Variants in FOXN4 observed in about 807,000 individuals in gnomAD.
FOXN4 encodes the protein forkhead box N4.
Under a neutral mutation model 45.0 loss-of-function variants are expected in FOXN4, and 12 were observed. That is an observed-to-expected ratio of 0.27 (90% CI 0.17 to 0.43). FOXN4 has a LOEUF of 0.43. Ranked by LOEUF, FOXN4 falls within the 20% of genes least tolerant of loss-of-function variation. The pLI, the probability that FOXN4 is intolerant of heterozygous loss-of-function variation, is 1.00. For synonymous variants in FOXN4, 297 were observed against 295.0 expected (o/e 1.01, Z -0.07); for missense variants, 560 against 694.9 (o/e 0.81, Z 2.18).
Position 109,281,411 on chromosome 12 carries a change from C to A in FOXN4, c.1290G>T (p.Leu430=). The change falls in exon 9 of 10, where the codon CTG becomes CTT. Residue 430 remains leucine (L), a synonymous_variant. Transcript: ENST00000299162. The part of the protein sequence containing the change: ...ALDPSIMDFA[L]QGNLWEEMKD... The stretch of plus-strand genomic sequence containing the variant: ...ACTCCATTCCTCCAGCCTCACCCTG[C>A]AGAGCGAAGTCCATGATGCTCGGGT... The A allele has an allele frequency of 1.2e-6, 2 of 1,613,814 alleles. No individual in the cohort carries two copies. The highest frequency in any genetic ancestry group is 1.7e-6 in the Non-Finnish European group (2 of 1,179,784).
Position 109,281,512 on chromosome 12 carries a change from G to T in FOXN4, c.1189C>A (p.His397Asn), listed in dbSNP as rs374757575. The T allele has an allele frequency of 4.7e-5, 76 of 1,613,798 alleles. No individual in the cohort carries two copies. The highest frequency in any genetic ancestry group is 5.3e-5 in the Non-Finnish European group (63 of 1,179,856). ...ACAGGAGCCCTTCCCATGGCGGGGT[G>T]GGGGAGCGGGCTGGGGCTGAGGTCC... ...LPDLSPSPLPHPAMGRAPVDF... is the reference protein window; with the variant it reads ...LPDLSPSPLPNPAMGRAPVDF... Residue 397 changes from histidine to asparagine, a missense_variant, in exon 9 of 10, where the codon CAC becomes AAC. Transcript: ENST00000299162.
intron 2 of FOXN4, among the ~76,000 whole-genome samples, chr12:109,303,262 G>A (rs1427795468): frequency 1.3e-5 from 2 of 152,168 alleles, no homozygotes; most frequent in Non-Finnish European, 2.9e-5. Flanking sequence ...GAAGGGATGG[G>A]AAGACATCGG....
At chr12:109,285,268 TGTGTGTGC>T (rs758719742) in intron 8 of FOXN4, 28 bp downstream of exon 8, 21 of 1,553,894 alleles carry the variant, frequency 1.4e-5, no homozygotes, top group African/African-American at 1.1e-4. Flanking sequence ...TGTGTGTGTG[TGTGTGTGC>T]GCGCACTGCG....
Position 109,281,566 on chromosome 12 carries a change from C to T in FOXN4, c.1135G>A (p.Ala379Thr), listed in dbSNP as rs142107769. Residue 379 changes from alanine (A) to threonine (T), a missense_variant, in exon 9 of 10, where the codon GCC (alanine) becomes ACC (threonine). Physicochemically the swap from Ala to Thr is moderately conservative, Grantham distance 58. Coordinates refer to ENST00000299162, the MANE Select transcript of FOXN4 (RefSeq NM_213596.3). ...AHLAPDSPAP[A>T]QTPPLHALPD... Reference sequence around the variant, plus strand: ...AGGGCGTGCAGTGGCGGGGTCTGGGCTGGTGCTGGAGAGTCTGGAGCAAGA... The same window carrying T: ...AGGGCGTGCAGTGGCGGGGTCTGGGTTGGTGCTGGAGAGTCTGGAGCAAGA... 1 of 1,607,652 alleles carries T rather than the reference C, an allele frequency of 6.2e-7. No homozygotes were observed. The highest frequency in any genetic ancestry group is 1.3e-5 in the African/African-American group (1 of 74,790).
intron 8 of FOXN4, among the ~76,000 whole-genome samples, chr12:109,283,958 T>C (rs115119325): frequency 0.019 from 2,947 of 152,312 alleles, 110 homozygotes; most frequent in African/African-American, 0.067. Flanking sequence ...GCTCAAATCT[T>C]TGCTCTTCAC....
chr12:109,289,441 C>T (rs187654915), intron 3 of FOXN4, among the ~76,000 whole-genome samples: 1 of 152,306 alleles, frequency 6.6e-6, no homozygotes, highest in Admixed American at 6.5e-5. Context: ...ACATGCTTTG[C>T]CCAAGAACGA....
At chr12:109,294,087 G>A (rs944542564) in intron 2 of FOXN4, among the ~76,000 whole-genome samples, 1 of 152,192 alleles carries the variant, frequency 6.6e-6, no homozygotes, top group African/African-American at 2.4e-5. Flanking sequence ...TCTTCCGGGG[G>A]AGATGCCCCA....
intron 8 of FOXN4, among the ~76,000 whole-genome samples, chr12:109,282,349 G>A (rs753184179): frequency 3.7e-4 from 57 of 152,128 alleles, no homozygotes; most frequent in Non-Finnish European, 6.8e-4. Context: ...TTGGGAGGCT[G>A]AGGTGGGGGG....
rs1400674549 is a variant in FOXN4, at chr12:109,288,041, T to C, written c.357+15A>G. 7 of 1,550,144 alleles carry C rather than the reference T, an allele frequency of 4.5e-6. No individual in the cohort carries two copies. The East Asian group carries it at 7.3e-5, about 16-fold the overall frequency. On this transcript the variant is annotated intron_variant, in intron 4 of 9. Coordinates refer to ENST00000299162, the MANE Select transcript of FOXN4 (RefSeq NM_213596.3). The surrounding 1 kb of genome is among the most constrained non-coding windows in gnomAD (Gnocchi z 4.3). ...GGCACTACCCGCCCTCCGCAGTCCA[T>C]GCAGTGCCACTTACGCTGTCTCTGT...
intron 2 of FOXN4, among the ~76,000 whole-genome samples, chr12:109,296,656 C>T (rs936277308): frequency 5.9e-5 from 9 of 152,168 alleles, no homozygotes; most frequent in African/African-American, 2.2e-4. Flanking sequence ...TGCAGGCAGC[C>T]CCCAGAGACC....
At chr12:109,306,164 C>G (rs1023098263) in intron 2 of FOXN4, among the ~76,000 whole-genome samples, 1 of 152,180 alleles carries the variant, frequency 6.6e-6, no homozygotes, top group African/African-American at 2.4e-5. Flanking sequence ...AGACGCGTCT[C>G]TTGCGGGAAG....
intron 9 of FOXN4, among the ~76,000 whole-genome samples, chr12:109,280,816 G>A (rs924248364): frequency 2.0e-5 from 3 of 152,174 alleles, no homozygotes; most frequent in South Asian, 2.1e-4. Context: ...TCCCTTGTTC[G>A]TTCATTCATC....
chr12:109,279,525 G>T lies in FOXN4; in HGVS notation c.*146C>A. ...AGGAGAGGGGCTGCTGAGGGGAACC[G>T]CTTCCCTGTCCAGCCGGCAACTTCG... On this transcript the variant is annotated 3_prime_UTR_variant, in exon 10 of 10. Coordinates refer to ENST00000299162, the MANE Select transcript of FOXN4 (RefSeq NM_213596.3). The T allele has an allele frequency of 8.0e-7, 1 of 1,256,808 alleles. No homozygotes were observed. The highest frequency in any genetic ancestry group is 1.1e-6 in the Non-Finnish European group (1 of 920,682). 77.9% of individuals were successfully genotyped at this position (1,256,808 alleles called of 1,614,324 possible). A position where few individuals can be genotyped will look rare whatever the true frequency, so the allele number is the denominator to read the frequency against.
intron 8 of FOXN4, among the ~76,000 whole-genome samples, chr12:109,284,203 G>A (rs1264166558): frequency 6.6e-6 from 1 of 152,184 alleles, no homozygotes; most frequent in Non-Finnish European, 1.5e-5. Context: ...GGCATTTCTG[G>A]GCAAGAAACT....
rs189600664 is a variant in FOXN4, at chr12:109,291,349, C to G, written c.87-1063G>C. 1.0e-3 allele frequency among the ~76,000 whole-genome samples: 157 copies of G among 152,274 alleles called. No homozygotes were observed. Among genetic ancestry groups the G allele is most frequent in the Admixed American group, 1.8e-3 (27 of 15,302 alleles). The stretch of plus-strand genomic sequence containing the variant: ...GAGCACACGCCCGACTCCACCACAT[C>G]TGCCACCCCTGTAGCCAGGGGCTTT... On this transcript the variant is annotated intron_variant, in intron 2 of 9. Transcript: ENST00000299162. This position sits in a 1 kb window ranked among gnomAD's most constrained non-coding sequence, Gnocchi z 6.6.
intron 2 of FOXN4, among the ~76,000 whole-genome samples, chr12:109,301,841 C>CCT (rs2047871736): frequency 6.6e-6 from 1 of 152,244 alleles, no homozygotes; most frequent in Admixed American, 6.5e-5. Flanking sequence ...ATTACATACT[C>CCT]TCAAGTATGA....
At position 109,281,794 on chromosome 12, in the gene FOXN4, A is replaced by C. The variant is rs777792764; in HGVS notation, c.907T>G (p.Leu303Val). Residue 303 changes from leucine to valine, a missense_variant, in exon 9 of 10, where the codon TTG (leucine) becomes GTG (valine). Leu to Val is a conservative substitution (Grantham distance 32). Transcript: ENST00000299162. ...GGCCGGTCGGAGATCAGCTTGTCCA[A>C]CTCCTCTGCAGGCAAGTGGGAGAGG... ...IHRSMANPEELDKLISDRPES... is the reference protein window; with the variant it reads ...IHRSMANPEEVDKLISDRPES... 6.4e-7 allele frequency: 1 copy of C among 1,570,070 alleles called. No individual in the cohort carries two copies. Among genetic ancestry groups the C allele is most frequent in the Admixed American group, 1.7e-5 (1 of 58,092 alleles).
chr12:109,295,651 C>T lies in FOXN4; in HGVS notation c.87-5365G>A, dbSNP rs186445732. Among the ~76,000 whole-genome samples the T allele has an allele frequency of 4.9e-3, 747 of 152,306 alleles. 7 individuals are homozygous for T. Among genetic ancestry groups the T allele is most frequent in the African/African-American group, 0.011 (453 of 41,576 alleles). ...AAATACAAAAAGTAGCTGGGCACGG[C>T]GGCGTGCGCCTGTAATCCCAGCTAC... is the stretch of plus-strand genomic sequence containing the variant. On this transcript the variant is annotated intron_variant, in intron 2 of 9. Coordinates refer to ENST00000299162, the MANE Select transcript of FOXN4 (RefSeq NM_213596.3).
intron 2 of FOXN4, among the ~76,000 whole-genome samples, chr12:109,295,523 T>G: frequency 6.6e-6 from 1 of 152,166 alleles, no homozygotes; most frequent in African/African-American, 2.4e-5. Context: ...TGGTGGCTCA[T>G]GCCTGTAATC....
Sources: allele counts gnomAD v4.1 joint callset (sites outside exome capture counted in the v4.1 genomes callset), GRCh38; gene constraint gnomAD v4.1.1; non-coding constraint Gnocchi (gnomAD v3.1); transcripts MANE v1.5; gene names NCBI Gene and HGNC (gene_info 2026-07-23, HGNC 2026-07-21).